The following TNFAIP6 variants were observed in gnomAD, a reference collection of about 807,000 sequenced individuals.
TNFAIP6 encodes tumor necrosis factor-inducible gene 6 protein.
Under a neutral mutation model 33.7 loss-of-function variants are expected in TNFAIP6, and 36 were observed. The ratio of observed to expected loss-of-function variants is 1.07; its 90% confidence interval spans 0.82 to 1.41. TNFAIP6 has a LOEUF of 1.41. Among genes scored for constraint, TNFAIP6 ranks in the 40% most tolerant of loss-of-function variants. The probability of loss-of-function intolerance (pLI) is 0.00; values close to 1 mark genes in which losing one functional copy is unlikely to be tolerated. For synonymous variants in TNFAIP6, 113 were observed against 112.8 expected (o/e 1.00, Z -0.01); for missense variants, 273 against 331.9 (o/e 0.82, Z 1.38).
chr2:151,379,523 G>C lies in TNFAIP6; in HGVS notation c.824G>C (p.Ser275Thr). 1 of 1,513,338 alleles carries C rather than the reference G, an allele frequency of 6.6e-7. No homozygotes were observed. The highest frequency in any genetic ancestry group is 8.8e-7 in the Non-Finnish European group (1 of 1,138,012). The allele number at this position is 1,513,338 out of a possible 1,614,324, so 93.7% of individuals were successfully genotyped here. The change falls in exon 6 of 6, where the codon AGC (serine) becomes ACC (threonine). Residue 275 changes from serine to threonine, a missense_variant. Coordinates refer to ENST00000243347, the MANE Select transcript of TNFAIP6 (RefSeq NM_007115.4). The stretch of plus-strand genomic sequence containing the variant: ...AAAAACTTTTTAGCTGGAAGATTTA[G>C]CCACTTATAAAAAAAAAAAAAAGGA... Reference protein sequence around the residue: ...GNKNFLAGRFSHL With the variant: ...GNKNFLAGRFTHL
intron 5 of TNFAIP6, 58 bp from the exon 6 acceptor site, chr2:151,379,306 G>C: frequency 2.7e-6 from 4 of 1,463,956 alleles, no homozygotes; most frequent in Non-Finnish European, 3.7e-6. Flanking sequence ...TCTTTGAATT[G>C]TCAGCCAAAT....
Position 151,373,512 on chromosome 2 carries a change from T to C in TNFAIP6, c.624-37T>C, listed in dbSNP as rs13389056. On this transcript the variant is annotated intron_variant, in intron 4 of 5. Coordinates refer to ENST00000243347, the MANE Select transcript of TNFAIP6 (RefSeq NM_007115.4). ...CACTTTACTAGCTGTATAATATTCA[T>C]TTGTGTGACATCTCTTTTCTAAAAA... 7.7e-3 allele frequency: 10,798 copies of C among 1,396,180 alleles called. 370 individuals carry two copies. In the African/African-American group the frequency reaches 0.087, roughly 11 times the overall value. 86.5% of individuals were successfully genotyped at this position (1,396,180 alleles called of 1,614,324 possible).
intron 5 of TNFAIP6, among the ~76,000 whole-genome samples, chr2:151,378,616 G>A (rs902669209): frequency 3.3e-5 from 5 of 151,628 alleles, no homozygotes; most frequent in Admixed American, 6.6e-5. Flanking sequence ...GCCTCCCGAG[G>A]AGCTGGGATT....
chr2:151,359,042 A>C (rs1288347021), intron 1 of TNFAIP6, among the ~76,000 whole-genome samples: 1 of 152,222 alleles, frequency 6.6e-6, no homozygotes, highest in Non-Finnish European at 1.5e-5. Context: ...AAGTGTTGTC[A>C]TATGTTACAA....
intron 3 of TNFAIP6, among the ~76,000 whole-genome samples, chr2:151,369,056 G>T (rs543312900): frequency 7.2e-5 from 11 of 152,174 alleles, no homozygotes; most frequent in Non-Finnish European, 1.5e-4. Context: ...AGCCAGACGT[G>T]GTGGCTCATG....
chr2:151,370,251 A>AACTT lies in TNFAIP6; in HGVS notation c.623+3_623+4insACTT, dbSNP rs772774751. 6 of 1,607,628 alleles carry AACTT rather than the reference A, an allele frequency of 3.7e-6. No homozygotes were observed. The highest frequency in any genetic ancestry group is 5.1e-6 in the Non-Finnish European group (6 of 1,174,126). ...GATGTCCATGGCTTTGTGGGAAGGT[A>AACTT]CGTATGGGTCCCCATACAGGAAGTT... On this transcript the variant is annotated splice_donor_region_variant and intron_variant, in intron 4 of 5. Transcript: ENST00000243347.
rs574078169 is a variant in TNFAIP6, at chr2:151,369,996, A to G, written c.395-24A>G. 171 of 1,551,738 alleles carry G rather than the reference A, an allele frequency of 1.1e-4. 1 individual carries two copies. The highest frequency in any genetic ancestry group is 4.3e-4 in the Admixed American group (23 of 53,096). Reference sequence around the variant, plus strand: ...TTTTTCCTAATGCTTTGGGGTTTTTACGTTTTTTTTCTTCTCATTTCAGCA... The same window carrying G: ...TTTTTCCTAATGCTTTGGGGTTTTTGCGTTTTTTTTCTTCTCATTTCAGCA... On this transcript the variant is annotated intron_variant, in intron 3 of 5. Coordinates refer to ENST00000243347, the MANE Select transcript of TNFAIP6 (RefSeq NM_007115.4).
At chr2:151,371,146 G>T (rs1293581854) in intron 4 of TNFAIP6, among the ~76,000 whole-genome samples, 1 of 151,984 alleles carries the variant, frequency 6.6e-6, no homozygotes, top group Non-Finnish European at 1.5e-5. Flanking sequence ...AAGTATTATG[G>T]AAGTAAGGTA....
chr2:151,358,430 T>G (rs186108581), intron 1 of TNFAIP6, among the ~76,000 whole-genome samples: 193 of 152,254 alleles, frequency 1.3e-3, no homozygotes, highest in African/African-American at 4.3e-3. Flanking sequence ...GGCCAAACAG[T>G]GAAGATAAAC....
At chr2:151,377,014 T>C in intron 5 of TNFAIP6, among the ~76,000 whole-genome samples, 1 of 151,708 alleles carries the variant, frequency 6.6e-6, no homozygotes. Flanking sequence ...TTATTTTTTA[T>C]TTTTAGTAGA....
chr2:151,357,675 C>T lies in TNFAIP6; in HGVS notation c.9C>T (p.Ile3=), dbSNP rs1394772609. 1 of 1,608,598 alleles carries T rather than the reference C, an allele frequency of 6.2e-7. No homozygotes were observed. Among genetic ancestry groups the T allele is most frequent in the Admixed American group, 1.7e-5 (1 of 60,016 alleles). ...TCACTACAACTGACGATATGATCAT[C>T]TTAATTTACTTATTTCTCTTGCTAT... is the stretch of plus-strand genomic sequence containing the variant. MI[I]LIYLFLLLWE... The change falls in exon 1 of 6, where the codon ATC becomes ATT. Residue 3 remains isoleucine (I), a synonymous_variant. Transcript: ENST00000243347.
At chr2:151,362,262 A>G (rs2152012288) in intron 1 of TNFAIP6, among the ~76,000 whole-genome samples, 1 of 152,280 alleles carries the variant, frequency 6.6e-6, no homozygotes, top group East Asian at 1.9e-4. Flanking sequence ...ATCTATTGGA[A>G]GACAACTCAT....
intron 1 of TNFAIP6, among the ~76,000 whole-genome samples, chr2:151,363,230 C>T (rs1452418081): frequency 1.3e-5 from 2 of 151,502 alleles, no homozygotes; most frequent in Non-Finnish European, 2.9e-5. Context: ...GCAGGAGAAT[C>T]GCTTGAACCC....
chr2:151,380,348 T>C (rs369554952), downstream of TNFAIP6, among the ~76,000 whole-genome samples: 2 of 152,330 alleles, frequency 1.3e-5, no homozygotes. Context: ...TAATTTAATT[T>C]TTAGTTTATA....
chr2:151,363,871 T>C, intron 1 of TNFAIP6, 72 bp from the exon 2 acceptor site: 2 of 1,563,680 alleles, frequency 1.3e-6, no homozygotes, highest in East Asian at 2.3e-5. Flanking sequence ...ATCTTCCAGC[T>C]GAGGCCACAG....
chr2:151,378,678 G>A (rs1684961554), intron 5 of TNFAIP6, among the ~76,000 whole-genome samples: 1 of 151,588 alleles, frequency 6.6e-6, no homozygotes, highest in Non-Finnish European at 1.5e-5. Context: ...TAATAGAGAC[G>A]GGGATTCACC....
intron 4 of TNFAIP6, chr2:151,372,118 A>G (rs1389596973): frequency 6.6e-6 from 1 of 152,214 alleles, no homozygotes; most frequent in Non-Finnish European, 1.5e-5. Context: ...TAAGAGCAGC[A>G]TCAATATGAT....
chr2:151,357,641 G>C lies in TNFAIP6; in HGVS notation c.-26G>C. 7.0e-6 allele frequency: 10 copies of C among 1,437,104 alleles called. No homozygotes were observed. Among genetic ancestry groups the C allele is most frequent in the Non-Finnish European group, 9.8e-6 (10 of 1,019,466 alleles). The allele number at this position is 1,437,104 out of a possible 1,614,324, so 89.0% of individuals were successfully genotyped here. On this transcript the variant is annotated 5_prime_UTR_variant, in exon 1 of 6. Coordinates refer to ENST00000243347, the MANE Select transcript of TNFAIP6 (RefSeq NM_007115.4). ...AGAATTTGTGAGCAGCCCCTAACAG[G>C]CTGTTACTTCACTACAACTGACGAT...
chr2:151,380,161 T>G (rs1684988942), downstream of TNFAIP6: 1 of 152,178 alleles, frequency 6.6e-6, no homozygotes, highest in Admixed American at 6.5e-5. Flanking sequence ...GAGGCCTCAC[T>G]GTAGTTTGAA....
Sources: gnomAD v4.1 joint callset for allele counts (sites outside exome capture counted in the v4.1 genomes callset) on GRCh38, gnomAD v4.1.1 for gene constraint, MANE v1.5 for transcripts, NCBI Gene and HGNC (gene_info 2026-07-23, HGNC 2026-07-21) for gene names.